The following DIAPH2 variants were observed in gnomAD, a reference collection of about 807,000 sequenced individuals.
DIAPH2 encodes protein diaphanous homolog 2.
DIAPH2 carries 35 observed loss-of-function variants against 92.7 expected under a neutral mutation model. The ratio of observed to expected loss-of-function variants is 0.38; its 90% confidence interval spans 0.29 to 0.50. DIAPH2 has a LOEUF of 0.50. DIAPH2 is among the 20% of genes least tolerant of loss of function. The probability of loss-of-function intolerance (pLI) is 0.94; values close to 1 mark genes in which losing one functional copy is unlikely to be tolerated. For missense variants in DIAPH2, 701 were observed against 819.5 expected (o/e 0.86, Z 1.77); for synonymous variants, 301 against 280.4 (o/e 1.07, Z -0.73).
intron 26 of DIAPH2, among the ~76,000 whole-genome samples, chrX:97,575,854 A>C (rs756560899): frequency 8.9e-6 from 1 of 112,027 alleles, no homozygotes; most frequent in East Asian, 2.8e-4. Context: ...AAATATGGGA[A>C]AGGGCAAAGA....
chrX:97,501,105 T>C (rs1039444558), intron 26 of DIAPH2, among the ~76,000 whole-genome samples: 3 of 109,559 alleles, frequency 2.7e-5, no homozygotes, highest in Non-Finnish European at 5.7e-5. Flanking sequence ...TCAGTCCTTT[T>C]GGCAGCATTT....
At chrX:97,533,738 T>C (rs2071076609) in intron 26 of DIAPH2, among the ~76,000 whole-genome samples, 1 of 111,494 alleles carries the variant, frequency 9.0e-6, no homozygotes, top group Non-Finnish European at 1.9e-5. Context: ...TACATCAAAC[T>C]CCCCCTCTAG....
intron 21 of DIAPH2, among the ~76,000 whole-genome samples, chrX:97,138,175 T>C (rs1441045511): frequency 8.9e-6 from 1 of 112,108 alleles, no homozygotes; most frequent in Non-Finnish European, 1.9e-5. Flanking sequence ...TTCTGTGTAC[T>C]CAAACAGCCC....
At position 97,070,582 on chromosome X, in the gene DIAPH2, A is replaced by G. The variant is rs192907633; in HGVS notation, c.2051-2359A>G. ...GAATGCTTTTAAAACAAGAAGGCCA[A>G]AGGCAATAATAGCCACTGGTCTGTA... On this transcript the variant is annotated intron_variant, in intron 17 of 26. Transcript: ENST00000324765. 4.2e-3 allele frequency among the ~76,000 whole-genome samples: 470 copies of G among 111,770 alleles called. 4 individuals are homozygous for G. The highest frequency in any genetic ancestry group is 5.7e-3 in the Non-Finnish European group (300 of 53,040).
intron 23 of DIAPH2, among the ~76,000 whole-genome samples, chrX:97,319,096 T>A (rs1488683071): frequency 2.7e-5 from 3 of 111,859 alleles, no homozygotes; most frequent in African/African-American, 9.7e-5. Flanking sequence ...TCTGAATATT[T>A]TCCATTCATA....
intron 22 of DIAPH2, among the ~76,000 whole-genome samples, chrX:97,185,341 G>GTATATATATATGTGTATATATATA (rs2067575835): frequency 2.9e-4 from 1 of 3,492 alleles, no homozygotes. Context: ...ATATATATAT[G>GTATATATATATGTGTATATATATA]TATATATATA....
intron 25 of DIAPH2, among the ~76,000 whole-genome samples, chrX:97,412,173 T>C (rs1313688503): frequency 9.0e-6 from 1 of 111,607 alleles, no homozygotes; most frequent in Non-Finnish European, 1.9e-5. Context: ...CCTCAGCAAA[T>C]GTAAAAGAAC....
chrX:96,787,575 T>G (rs1302460147), intron 4 of DIAPH2, among the ~76,000 whole-genome samples: 2 of 110,992 alleles, frequency 1.8e-5, no homozygotes, highest in Non-Finnish European at 3.8e-5. Flanking sequence ...TGAGAACTTT[T>G]TCTAATGGGA....
At chrX:97,025,353 C>CAAACAAACAAACAAACAAAAAA (rs2066325118) in intron 17 of DIAPH2, among the ~76,000 whole-genome samples, 1 of 93,190 alleles carries the variant, frequency 1.1e-5, no homozygotes, top group Non-Finnish European at 2.1e-5. Context: ...CTGTCTCACA[C>CAAACAAACAAACAAACAAAAAA]ACAAAAAAAG....
Position 96,685,233 on chromosome X carries a change from A to C in DIAPH2, c.132+43A>C, listed in dbSNP as rs747561520. On this transcript the variant is annotated intron_variant, in intron 1 of 26. Transcript: ENST00000324765. ...CCCCGCCGGCCTTAGGGACAGGGAG[A>C]GCCCCGGGATCCTCCTGCCATTGAA... The C allele has an allele frequency of 7.2e-6, 7 of 977,123 alleles. No homozygotes were observed. The African/African-American group carries it at 1.4e-4, about 20-fold the overall frequency. 80.5% of individuals were successfully genotyped at this position (977,123 alleles called of 1,213,427 possible). A position where few individuals can be genotyped will look rare whatever the true frequency, so the allele number is the denominator to read the frequency against.
rs752095976 is a variant in DIAPH2 at position 97,221,600 on chromosome X, A to G, written c.2720-26115A>G. ...GGTTTGTCTCTGTAGAAGCTCTGAG[A>G]GCATTCATTTAATTTATTAACCCAA... On this transcript the variant is annotated intron_variant, in intron 22 of 26. Coordinates refer to ENST00000324765, the MANE Select transcript of DIAPH2 (RefSeq NM_006729.5). 4.5e-5 allele frequency among the ~76,000 whole-genome samples: 5 copies of G among 112,033 alleles called. No individual in the cohort carries two copies. The South Asian group carries it at 1.8e-3, about 41-fold the overall frequency.
intron 26 of DIAPH2, among the ~76,000 whole-genome samples, chrX:97,470,080 T>G (rs2070549601): frequency 9.0e-6 from 1 of 111,731 alleles, no homozygotes; most frequent in Non-Finnish European, 1.9e-5. Context: ...GTCTAACATA[T>G]GATCTCTGTC....
At chrX:97,366,281 TTCTC>T (rs945456284) in intron 24 of DIAPH2, among the ~76,000 whole-genome samples, 8 of 111,841 alleles carry the variant, frequency 7.2e-5, no homozygotes, top group African/African-American at 2.6e-4. Context: ...GCCTCTCTCT[TTCTC>T]TCTGCCACCT....
intron 23 of DIAPH2, among the ~76,000 whole-genome samples, chrX:97,331,909 A>G (rs189052210): frequency 7.4e-4 from 82 of 111,552 alleles, no homozygotes; most frequent in African/African-American, 2.3e-3. Context: ...TTAATAAGCA[A>G]TTGGGTTAGA....
chrX:96,960,490 G>T (rs985673936), intron 16 of DIAPH2, among the ~76,000 whole-genome samples: 5 of 110,680 alleles, frequency 4.5e-5, no homozygotes, highest in African/African-American at 1.6e-4. Flanking sequence ...TTAATTATAT[G>T]AGTTTTTTGT....
At chrX:97,082,376 T>C (rs932764549) in intron 19 of DIAPH2, among the ~76,000 whole-genome samples, 1 of 107,467 alleles carries the variant, frequency 9.3e-6, no homozygotes, top group Non-Finnish European at 1.9e-5. Context: ...TCCCAGCACG[T>C]TGGGAGGCCG....
chrX:96,745,153 C>T (rs1214653244), intron 3 of DIAPH2, among the ~76,000 whole-genome samples: 5 of 109,337 alleles, frequency 4.6e-5, no homozygotes, highest in African/African-American at 6.7e-5. Context: ...ATTACAGGCA[C>T]GCGCCACCAT....
chrX:97,106,245 G>A (rs1457431669), intron 20 of DIAPH2, among the ~76,000 whole-genome samples: 1 of 111,046 alleles, frequency 9.0e-6, no homozygotes, highest in East Asian at 2.8e-4. Context: ...TGCCCTGATT[G>A]TTTCTATTTT....
At chrX:97,209,165 T>A (rs942419475) in intron 22 of DIAPH2, among the ~76,000 whole-genome samples, 1 of 111,065 alleles carries the variant, frequency 9.0e-6, no homozygotes, top group African/African-American at 3.3e-5. Context: ...TTTGATTATT[T>A]CCTTTTAGAT....
Sources: gnomAD v4.1 joint callset for allele counts (sites outside exome capture counted in the v4.1 genomes callset) on GRCh38, gnomAD v4.1.1 for gene constraint, MANE v1.5 for transcripts, NCBI Gene and HGNC (gene_info 2026-07-23, HGNC 2026-07-21) for gene names.